Variants in GOLGA8T observed in about 807,000 individuals in gnomAD.
The protein encoded by GOLGA8T is golgin A8 family member T.
In GOLGA8T, 17 loss-of-function variants were observed where a neutral mutation model predicts 52.0. The ratio of observed to expected loss-of-function variants is 0.33; its 90% CI spans 0.22 to 0.49. The LOEUF is 0.49. Ranked by LOEUF, GOLGA8T falls within the 20% of genes least tolerant of loss-of-function variation. The pLI, the probability that GOLGA8T is intolerant of heterozygous loss-of-function variation, is 0.99. For missense variants in GOLGA8T, 154 were observed against 462.1 expected, an observed-to-expected ratio of 0.33 and a Z score of 6.11; for synonymous variants, 67 against 169.5, an observed-to-expected ratio of 0.40 and a Z score of 4.70.
At chr15:30,136,507 CAG>C (rs1340068305) in intron 1 of GOLGA8T, among the ~76,000 whole-genome samples, 1 of 148,462 alleles carries the variant, frequency 6.7e-6, no homozygotes, top group Non-Finnish European at 1.5e-5. Flanking sequence ...TTCACACTAA[CAG>C]ACGTGTGAGG....
At chr15:30,136,516 G>A (rs2057691783) in intron 1 of GOLGA8T, among the ~76,000 whole-genome samples, 1 of 148,482 alleles carries the variant, frequency 6.7e-6, no homozygotes, top group Non-Finnish European at 1.5e-5. Context: ...ACAGACGTGT[G>A]AGGATGTGTG....
rs776609349 is a variant in GOLGA8T at position 30,141,947 on chromosome 15, A to G, written c.1020A>G (p.Glu340=). The G allele has an allele frequency of 1.8e-5, 8 of 445,682 alleles. No individual in the cohort carries two copies. In the South Asian group the frequency reaches 1.8e-4, roughly 10 times the overall value. 27.6% of individuals were successfully genotyped at this position (445,682 alleles called of 1,614,324 possible). A position where few individuals can be genotyped will look rare whatever the true frequency, so the allele number is the denominator to read the frequency against. The change falls in exon 12 of 19, where the codon GAA becomes GAG. Residue 340 remains glutamate (E), a synonymous_variant. Coordinates refer to ENST00000569052, the MANE Select transcript of GOLGA8T (RefSeq NM_001355469.2). The stretch of plus-strand genomic sequence containing the variant: ...TAAGTCTCCTGAACCAGCGACAAGA[A>G]GAGAGGATTCAGGAGCAGGAAGAGA... ...QRISLLNQRQ[E]ERIQEQEERL...
intron 1 of GOLGA8T, among the ~76,000 whole-genome samples, chr15:30,136,530 C>T (rs116196782): frequency 0.015 from 2,233 of 148,180 alleles, 85 homozygotes; most frequent in African/African-American, 0.053. Flanking sequence ...ATGTGTGACT[C>T]TAAACCACAT....
intron 13 of GOLGA8T, 115 bp downstream of exon 13, chr15:30,142,497 A>G: frequency 4.6e-6 from 7 of 1,520,410 alleles, no homozygotes; most frequent in Non-Finnish European, 5.3e-6. Flanking sequence ...GCTGGTGACC[A>G]CAGCACCCCC....
rs4042372 is a variant in GOLGA8T at position 30,142,332 on chromosome 15, G to A, written c.1150G>A (p.Ala384Thr). Reference sequence around the variant, plus strand: ...TGTCCAGAACAATGAGAACAAGAACGCACTGCAGTTGGAGCAGCAAGTAAA... The same window carrying A: ...TGTCCAGAACAATGAGAACAAGAACACACTGCAGTTGGAGCAGCAAGTAAA... Reference protein sequence around the residue: ...FEEPNNENKNALQLEQQVKEL... With the variant: ...FEEPNNENKNTLQLEQQVKEL... The change falls in exon 13 of 19, where the codon GCA (alanine) becomes ACA (threonine). Residue 384 changes from alanine to threonine, a missense_variant. This residue lies in a region of GOLGA8T where 54 missense variants were observed against 51.5 expected (regional missense o/e 1.05). Coordinates refer to ENST00000569052, the MANE Select transcript of GOLGA8T (RefSeq NM_001355469.2). 176 of 1,541,352 alleles carry A rather than the reference G, an allele frequency of 1.1e-4. 9 individuals carry two copies. The highest frequency in any genetic ancestry group is 4.6e-4 in the Middle Eastern group (2 of 4,326).
intron 2 of GOLGA8T, among the ~76,000 whole-genome samples, chr15:30,137,287 A>G (rs1372289634): frequency 7.0e-6 from 1 of 143,262 alleles, no homozygotes; most frequent in Non-Finnish European, 1.5e-5. Flanking sequence ...CTGAGGCAAG[A>G]GAATGGTGTG....
At chr15:30,137,169 A>C (rs1209180897) in intron 2 of GOLGA8T, among the ~76,000 whole-genome samples, 184 bp downstream of exon 2, 12 of 145,776 alleles carry the variant, frequency 8.2e-5, no homozygotes, top group African/African-American at 3.1e-4. Flanking sequence ...TGAGGTCAGG[A>C]GATCGAGACC....
intron 13 of GOLGA8T, among the ~76,000 whole-genome samples, chr15:30,143,368 C>T (rs2057771939): frequency 8.5e-6 from 1 of 117,524 alleles, no homozygotes; most frequent in South Asian, 2.6e-4. Context: ...TCACCTGCAG[C>T]AGTACGTGGC....
At position 30,148,361 on chromosome 15, in the gene GOLGA8T, TA is replaced by T. The variant is rs2057844617; in HGVS notation, c.*2798del. Among the ~76,000 whole-genome samples the T allele has an allele frequency of 7.7e-6, 1 of 130,608 alleles. No individual in the cohort carries two copies. The highest frequency in any genetic ancestry group is 1.5e-5 in the Non-Finnish European group (1 of 65,808). 85.7% of individuals were successfully genotyped at this position (130,608 alleles called of 152,430 possible). A position where few individuals can be genotyped will look rare whatever the true frequency, so the allele number is the denominator to read the frequency against. ...CAGAAATGAAAAAAAAAATCAGCTC[TA>T]AAACCAAAGCGATTTTAGAAAATTT... is the stretch of plus-strand genomic sequence containing the variant. On this transcript the variant is annotated 3_prime_UTR_variant, in exon 19 of 19. Transcript: ENST00000569052.
In GOLGA8T at chr15:30,142,429, C is replaced by T. The variant is rs569969329; in HGVS notation, c.1200+47C>T. ...ACCCCATCCAAGAAGGGCTGGGAGG[C>T]GGGCAGCAGACTCTGGGGAGGGGAG... On this transcript the variant is annotated intron_variant, in intron 13 of 18. Coordinates refer to ENST00000569052, the MANE Select transcript of GOLGA8T (RefSeq NM_001355469.2). 2.1e-3 allele frequency: 3,248 copies of T among 1,579,964 alleles called. 110 individuals are homozygous for T. Among genetic ancestry groups the T allele is most frequent in the Non-Finnish European group, 2.6e-3 (3,069 of 1,174,246 alleles).
rs1435623779 is a variant in GOLGA8T, at chr15:30,142,528, C to T, written c.1200+146C>T. The T allele has an allele frequency of 1.1e-5, 16 of 1,471,402 alleles. 1 individual carries two copies. The highest frequency in any genetic ancestry group is 2.0e-5 in the Admixed American group (1 of 50,136). 91.1% of individuals were successfully genotyped at this position (1,471,402 alleles called of 1,614,324 possible). On this transcript the variant is annotated intron_variant, in intron 13 of 18. Transcript: ENST00000569052. ...CCCCCCAGGGCAGTCCTGTTTCTTGCTTCCTGCCTCTGACTTTTAAAGGTG... is the reference window on the plus strand; with the variant it reads ...CCCCCCAGGGCAGTCCTGTTTCTTGTTTCCTGCCTCTGACTTTTAAAGGTG...
Position 30,143,358 on chromosome 15 carries a change from T to C in GOLGA8T, c.1201-248T>C, listed in dbSNP as rs1180477721. ...AGCAGCAGCCAGACCATTACCTGGG[T>C]CACCTGCAGCAGTACGTGGCCACCT... On this transcript the variant is annotated intron_variant, in intron 13 of 18. Transcript: ENST00000569052. Among the ~76,000 whole-genome samples, 4 of 115,570 alleles carry C rather than the reference T, an allele frequency of 3.5e-5. 1 individual carries two copies. Among genetic ancestry groups the C allele is most frequent in the Admixed American group, 7.5e-5 (1 of 13,404 alleles). 75.8% of individuals were successfully genotyped at this position (115,570 alleles called of 152,430 possible). A position where few individuals can be genotyped will look rare whatever the true frequency, so the allele number is the denominator to read the frequency against.
At chr15:30,140,262 T>TA (rs2057725025) in intron 8 of GOLGA8T, 1 of 388,432 alleles carries the variant, frequency 2.6e-6, no homozygotes, top group Admixed American at 3.4e-5. Flanking sequence ...GGCCGGGAGA[T>TA]ACTTCCCTTC....
At position 30,143,644 on chromosome 15, in the gene GOLGA8T, A is replaced by G; in HGVS notation, c.1239A>G (p.Leu413=). 6.3e-7 allele frequency: 1 copy of G among 1,582,994 alleles called. No homozygotes were observed. The highest frequency in any genetic ancestry group is 1.1e-5 in the South Asian group (1 of 89,392). Residue 413 remains leucine (L), a synonymous_variant, in exon 14 of 19, where the codon CTA becomes CTG. Transcript: ENST00000569052. Reference sequence around the variant, plus strand: ...CTGCCAGCCAGCAGAACCAGCAGCTAACGGCCCAGCTGAGCCTCATGGCTC... The same window carrying G: ...CTGCCAGCCAGCAGAACCAGCAGCTGACGGCCCAGCTGAGCCTCATGGCTC... ...LEAASQQNQQ[L]TAQLSLMALP...
rs200450646 is a variant in GOLGA8T, at chr15:30,144,964, C to T, written c.1472C>T (p.Thr491Ile). Residue 491 changes from threonine to isoleucine, a missense_variant, in exon 17 of 19, where the codon ACC becomes ATC. Physicochemically the swap from Thr to Ile is moderately conservative, Grantham distance 89. Transcript: ENST00000569052. Reference sequence around the variant, plus strand: ...TGAGCCCTGTCCTCCCGCAGGAAAACCCATCACCTTTTATCAGAACCAGGG... The same window carrying T: ...TGAGCCCTGTCCTCCCGCAGGAAAATCCATCACCTTTTATCAGAACCAGGG... Reference protein sequence around the residue: ...HHWRDRRHQKTHHLLSEPGGC... With the variant: ...HHWRDRRHQKIHHLLSEPGGC... 8.2e-4 allele frequency: 1,125 copies of T among 1,370,318 alleles called. 24 individuals are homozygous for T. Among genetic ancestry groups the T allele is most frequent in the African/African-American group, 4.9e-3 (259 of 52,568 alleles). 84.9% of individuals were successfully genotyped at this position (1,370,318 alleles called of 1,614,324 possible).
At chr15:30,141,549 C>T in intron 11 of GOLGA8T, 124 bp downstream of exon 11, 5 of 720,560 alleles carry the variant, frequency 6.9e-6, no homozygotes, top group Non-Finnish European at 1.1e-5. Context: ...GAGATCTGTG[C>T]CAGGAGACGG....
chr15:30,141,684 G>A, intron 11 of GOLGA8T, 118 bp from the exon 12 acceptor site: 4 of 593,818 alleles, frequency 6.7e-6, no homozygotes, highest in Admixed American at 6.1e-5. Flanking sequence ...CCATCTGGGT[G>A]CGAGGAATCA....
chr15:30,141,662 G>C lies in GOLGA8T; in HGVS notation c.875-140G>C, dbSNP rs2057746120. 7 of 947,958 alleles carry C rather than the reference G, an allele frequency of 7.4e-6. 2 individuals carry two copies. The East Asian group carries it at 1.9e-4, about 26-fold the overall frequency. 58.7% of individuals were successfully genotyped at this position (947,958 alleles called of 1,614,324 possible). A position where few individuals can be genotyped will look rare whatever the true frequency, so the allele number is the denominator to read the frequency against. ...GTGCTCTTTCTCTGAAAGTGCTTTG[G>C]AAGACTGGCTACCATCTGGGTGCGA... On this transcript the variant is annotated intron_variant, in intron 11 of 18. Coordinates refer to ENST00000569052, the MANE Select transcript of GOLGA8T (RefSeq NM_001355469.2).
At position 30,141,939 on chromosome 15, in the gene GOLGA8T, C is replaced by T. The variant is rs2057749433; in HGVS notation, c.1012C>T (p.Arg338Ter). 1.3e-5 allele frequency: 6 copies of T among 451,508 alleles called. 1 individual carries two copies. The highest frequency in any genetic ancestry group is 3.5e-5 in the East Asian group (1 of 28,866). The allele number at this position is 451,508 out of a possible 1,614,324, so 28.0% of individuals were successfully genotyped here. A position where few individuals can be genotyped will look rare whatever the true frequency, so the allele number is the denominator to read the frequency against. ...KNQRISLLNQ[R>*]QEERIQEQEE... ...TCAGCGCATAAGTCTCCTGAACCAG[C>T]GACAAGAAGAGAGGATTCAGGAGCA... Residue 338 changes from arginine (R) to a stop codon, truncating the protein, a stop_gained, in exon 12 of 19, where the codon CGA becomes TGA. Coordinates refer to ENST00000569052, the MANE Select transcript of GOLGA8T (RefSeq NM_001355469.2). LOFTEE classifies it high-confidence loss of function.
Sources: gnomAD v4.1 joint callset for allele counts (sites outside exome capture counted in the v4.1 genomes callset) on GRCh38, gnomAD v4.1.1 for gene constraint, gnomAD v4.1.1 regional missense constraint, MANE v1.5 for transcripts, NCBI Gene and HGNC (gene_info 2026-07-23, HGNC 2026-07-21) for gene names.